NYAP2: variants seen among roughly 807,000 people sequenced by gnomAD.
NYAP2 encodes the protein neuronal tyrosine-phosphorylated phosphoinositide-3-kinase adapter 2.
In NYAP2, 23 loss-of-function variants were observed where a neutral mutation model predicts 50.4. That is an observed-to-expected ratio of 0.46 (90% CI 0.33 to 0.65). The LOEUF is 0.65. NYAP2 is among the 30% of genes least tolerant of loss of function. The pLI, the probability that NYAP2 is intolerant of heterozygous loss-of-function variation, is 0.02. For synonymous variants in NYAP2, 394 were observed against 365.2 expected (o/e 1.08, Z -0.90); for missense variants, 885 against 861.0 (o/e 1.03, Z -0.35).
At chr2:225,458,234 C>A (rs1689770371) in intron 3 of NYAP2, among the ~76,000 whole-genome samples, 2 of 152,078 alleles carry the variant, frequency 1.3e-5, no homozygotes, top group African/African-American at 2.4e-5. Flanking sequence ...CACGTGTAGT[C>A]CCAGCTACTC....
At chr2:225,569,535 A>G (rs1692029776) in intron 4 of NYAP2, among the ~76,000 whole-genome samples, 1 of 152,184 alleles carries the variant, frequency 6.6e-6, no homozygotes, top group African/African-American at 2.4e-5. Flanking sequence ...CAACAGGAAC[A>G]CAAGCATTCC....
chr2:225,607,662 AT>A (rs1692811598), intron 5 of NYAP2, among the ~76,000 whole-genome samples: 2 of 149,622 alleles, frequency 1.3e-5, no homozygotes, highest in African/African-American at 5.0e-5. Context: ...AGACTGTAGA[AT>A]TCTATTTTTC....
chr2:225,492,412 G>A (rs545333322), intron 3 of NYAP2, among the ~76,000 whole-genome samples: 16 of 152,168 alleles, frequency 1.1e-4, no homozygotes, highest in Admixed American at 2.0e-4. Flanking sequence ...AACTTAGGCT[G>A]GTTAGTTAAA....
intron 2 of NYAP2, among the ~76,000 whole-genome samples, chr2:225,406,130 T>C (rs1327479232): frequency 1.3e-5 from 2 of 151,764 alleles, no homozygotes; most frequent in African/African-American, 2.4e-5. Flanking sequence ...AATTTGGAAA[T>C]TGAAGTTTAA....
intron 5 of NYAP2, among the ~76,000 whole-genome samples, chr2:225,621,713 T>G (rs996649993): frequency 1.7e-4 from 26 of 150,874 alleles, no homozygotes; most frequent in African/African-American, 6.3e-4. Context: ...TTTTTTTTAT[T>G]TTTTTTTTAA....
intron 4 of NYAP2, among the ~76,000 whole-genome samples, chr2:225,526,660 C>T (rs1242568081): frequency 2.0e-5 from 3 of 152,180 alleles, no homozygotes; most frequent in African/African-American, 7.2e-5. Context: ...TTGTTAATGC[C>T]TTTGTTCACA....
chr2:225,454,918 A>G (rs1201947823), intron 3 of NYAP2, among the ~76,000 whole-genome samples: 1 of 152,092 alleles, frequency 6.6e-6, no homozygotes, highest in East Asian at 1.9e-4. Context: ...CTGACCATAG[A>G]AAAATTAGAT....
chr2:225,562,678 C>A (rs1261890538), intron 4 of NYAP2, among the ~76,000 whole-genome samples: 1 of 152,100 alleles, frequency 6.6e-6, no homozygotes, highest in African/African-American at 2.4e-5. Context: ...TCCCAATTAC[C>A]TCATGCACTT....
chr2:225,527,699 G>A, intron 4 of NYAP2, among the ~76,000 whole-genome samples: 1 of 151,974 alleles, frequency 6.6e-6, no homozygotes, highest in East Asian at 1.9e-4. Flanking sequence ...GCAGGCTGGG[G>A]CACAGTGGCA....
chr2:225,617,442 T>A lies in NYAP2; in HGVS notation c.1619-9475T>A, dbSNP rs868252571. ...GAAACTCTATCAAAAAATAAAAAAA[T>A]AAAAAAAAAACAGCAGTCATGAACC... On this transcript the variant is annotated intron_variant, in intron 5 of 6. Transcript: ENST00000636099. Among the ~76,000 whole-genome samples, 68 of 145,958 alleles carry A rather than the reference T, an allele frequency of 4.7e-4. No homozygotes were observed. The South Asian group carries it at 0.013, about 29-fold the overall frequency.
At chr2:225,642,097 T>C (rs1404021283) in intron 6 of NYAP2, among the ~76,000 whole-genome samples, 1 of 151,946 alleles carries the variant, frequency 6.6e-6, no homozygotes, top group East Asian at 1.9e-4. Context: ...TGGAGCTTAG[T>C]AGAGGAAGAA....
intron 2 of NYAP2, among the ~76,000 whole-genome samples, chr2:225,405,206 C>T (rs1205849856): frequency 1.3e-5 from 2 of 151,952 alleles, no homozygotes; most frequent in Non-Finnish European, 2.9e-5. Context: ...GCCAGAGTTC[C>T]ACCTTAATCT....
chr2:225,569,140 G>T (rs1448913140), intron 4 of NYAP2, among the ~76,000 whole-genome samples: 1 of 152,124 alleles, frequency 6.6e-6, no homozygotes, highest in Non-Finnish European at 1.5e-5. Context: ...AAAGTGGCCT[G>T]GGATGAAGTC....
At chr2:225,587,451 A>G (rs1692407776) in intron 5 of NYAP2, among the ~76,000 whole-genome samples, 1 of 152,170 alleles carries the variant, frequency 6.6e-6, no homozygotes, top group African/African-American at 2.4e-5. Flanking sequence ...CCGGGGCAGA[A>G]GGGCATGTGA....
At chr2:225,645,936 T>A (rs1257341952) in intron 6 of NYAP2, among the ~76,000 whole-genome samples, 8 of 152,182 alleles carry the variant, frequency 5.3e-5, no homozygotes, top group Non-Finnish European at 1.2e-4. Flanking sequence ...ATTTGAATCT[T>A]TTCTAGAATT....
Position 225,582,851 on chromosome 2 carries a change from A to C in NYAP2, c.1434A>C (p.Arg478Ser). Residue 478 changes from arginine to serine, a missense_variant, in exon 5 of 7, where the codon AGA becomes AGC. By Grantham distance (110) the Arg-to-Ser change is moderately radical (BLOSUM62 -1). Coordinates refer to ENST00000636099, the Ensembl canonical transcript of NYAP2. The surrounding 1 kb of genome is among the most constrained non-coding windows in gnomAD (Gnocchi z 7.0). ...CTTCAGTGCCTCACTCGACCCCCAG[A>C]CCCGTGTCGCAAGATGGGGCCAAGA... The C allele has an allele frequency of 6.2e-7, 1 of 1,613,592 alleles. No individual in the cohort carries two copies. The highest frequency in any genetic ancestry group is 1.1e-5 in the South Asian group (1 of 91,072).
At chr2:225,545,689 G>A (rs531000380) in intron 4 of NYAP2, among the ~76,000 whole-genome samples, 1 of 152,088 alleles carries the variant, frequency 6.6e-6, no homozygotes, top group South Asian at 2.1e-4. Flanking sequence ...ATTAGTCTCT[G>A]GTTCCTTATT....
At chr2:225,667,737 G>A in the NYAP2 span, among the ~76,000 whole-genome samples, 1 of 152,076 alleles carries the variant, frequency 6.6e-6, no homozygotes, top group Admixed American at 6.6e-5. Flanking sequence ...ATCTTCAATG[G>A]ATAGAATACC....
intron 4 of NYAP2, among the ~76,000 whole-genome samples, chr2:225,573,054 C>CTA: frequency 6.6e-6 from 1 of 152,130 alleles, no homozygotes; most frequent in African/African-American, 2.4e-5. Context: ...TTCTTAATTT[C>CTA]TATATTCTAA....
Sources: allele counts gnomAD v4.1 joint callset (sites outside exome capture counted in the v4.1 genomes callset), GRCh38; gene constraint gnomAD v4.1.1; non-coding constraint Gnocchi (gnomAD v3.1); transcripts MANE v1.5; gene names NCBI Gene and HGNC (gene_info 2026-07-23, HGNC 2026-07-21).